HAL: variants seen among roughly 807,000 people sequenced by gnomAD.
The protein encoded by HAL is histidase.
A neutral mutation model predicts 81.1 loss-of-function variants in HAL; 85 were observed. That is an observed-to-expected ratio of 1.05 (90% confidence interval 0.88 to 1.25). HAL has a LOEUF of 1.25. HAL is among the 50% of genes most tolerant of loss of function. The pLI is 0.00. For missense variants in HAL, 798 were observed against 836.6 expected (o/e 0.95, Z 0.57); for synonymous variants, 301 against 309.2 (o/e 0.97, Z 0.28).
At chr12:95,995,084 G>C in intron 2 of HAL, 91 bp from the exon 3 acceptor site, 2 of 935,874 alleles carry the variant, frequency 2.1e-6, no homozygotes, top group Non-Finnish European at 3.5e-6. Context: ...ATTGGCCCAT[G>C]AATTCTATAG....
intron 10 of HAL, among the ~76,000 whole-genome samples, chr12:95,988,679 T>C (rs1949927854): frequency 1.3e-5 from 2 of 152,110 alleles, no homozygotes; most frequent in African/African-American, 4.8e-5. Context: ...CTAACCTCAT[T>C]AGTGCTTCAT....
Position 95,985,749 on chromosome 12 carries a change from T to C in HAL, c.1206+159A>G, listed in dbSNP as rs141888341. ...CAATTGCACACATAAAGGTAAAATA[T>C]ACATAACTTTTCATAGAGACAGTAA... is the stretch of plus-strand genomic sequence containing the variant. On this transcript the variant is annotated intron_variant, in intron 14 of 20. Coordinates refer to ENST00000261208, the MANE Select transcript of HAL (RefSeq NM_002108.4). Among the ~76,000 whole-genome samples, 376 of 151,112 alleles carry C rather than the reference T, an allele frequency of 2.5e-3. 3 individuals carry two copies. The highest frequency in any genetic ancestry group is 8.9e-3 in the African/African-American group (365 of 41,122).
At chr12:95,987,320 TA>T (rs1437055839) in intron 11 of HAL, 106 bp from the exon 12 acceptor site, 30 of 913,110 alleles carry the variant, frequency 3.3e-5, no homozygotes, top group African/African-American at 4.9e-5. Context: ...TAGCCAGTCA[TA>T]AACATAAAAA....
chr12:95,982,921 A>C (rs1001448133), intron 15 of HAL, among the ~76,000 whole-genome samples: 2 of 152,234 alleles, frequency 1.3e-5, no homozygotes, highest in African/African-American at 4.8e-5. Flanking sequence ...GATCACCTCA[A>C]CATCTGGGGA....
In HAL at chr12:95,986,155, G is replaced by T; in HGVS notation, c.1057C>A (p.His353Asn). ...TGCCCACGGTGAGGTCGAAGAGCATGAATGTCTAGAATTGATGAAGGAGAA... is the reference window on the plus strand; with the variant it reads ...TGCCCACGGTGAGGTCGAAGAGCATTAATGTCTAGAATTGATGAAGGAGAA... Reference protein sequence around the residue: ...GTTKAFDTDIHALRPHRGQIE... With the variant: ...GTTKAFDTDINALRPHRGQIE... Residue 353 changes from histidine to asparagine, a missense_variant, in exon 13 of 21, where the codon CAT (histidine) becomes AAT (asparagine). By Grantham distance (68) the His-to-Asn change is moderately conservative (BLOSUM62 1). Coordinates refer to ENST00000261208, the MANE Select transcript of HAL (RefSeq NM_002108.4). The T allele has an allele frequency of 6.4e-7, 1 of 1,565,400 alleles. No homozygotes were observed. Among genetic ancestry groups the T allele is most frequent in the Non-Finnish European group, 8.8e-7 (1 of 1,135,488 alleles).
chr12:95,980,849 A>G lies in HAL; in HGVS notation c.1302T>C (p.Asn434=). ...SATDNPMVFA[N]RGETVSGGNF... is the part of the protein sequence containing the mutation. Reference sequence around the variant, plus strand: ...TTCCTCCAGAAACTGTCTCTCCCCTATTGGCAAAGACCATCTTTCAAAAGA... The same window carrying G: ...TTCCTCCAGAAACTGTCTCTCCCCTGTTGGCAAAGACCATCTTTCAAAAGA... The change falls in exon 16 of 21, where the codon AAT becomes AAC. Residue 434 remains asparagine, a synonymous_variant. Transcript: ENST00000261208. 3 of 1,572,724 alleles carry G rather than the reference A, an allele frequency of 1.9e-6. No individual in the cohort carries two copies. The highest frequency in any genetic ancestry group is 2.2e-5 in the East Asian group (1 of 44,600).
In HAL at chr12:95,983,971, A is replaced by G. The variant is rs777807154; in HGVS notation, c.1227T>C (p.Asp409=). 6.4e-7 allele frequency: 1 copy of G among 1,572,796 alleles called. No homozygotes were observed. The highest frequency in any genetic ancestry group is 8.7e-7 in the Non-Finnish European group (1 of 1,143,034). Residue 409 remains aspartate, a synonymous_variant, in exon 15 of 21, where the codon GAT becomes GAC. Transcript: ENST00000261208. ...CCPQVHGVVN[D]TIAFVKNIIT... ...TGATGTTCTTCACAAATGCTATTGT[A>G]TCATTCACCACACCATGGACCTAAA...
Position 95,976,433 on chromosome 12 carries a change from T to G in HAL, c.1829A>C (p.Gln610Pro), listed in dbSNP as rs1248734701. 6.2e-7 allele frequency: 1 copy of G among 1,612,956 alleles called. No homozygotes were observed. The highest frequency in any genetic ancestry group is 1.3e-5 in the African/African-American group (1 of 74,930). ...CAAGCCAAGGAGCCAGCTTGCCTTC[T>G]GCTCCAGGAGCAGCCTGTGGGCTGC... ...IEAAHRLLLEQKVWEVAAPYI... is the reference protein window; with the variant it reads ...IEAAHRLLLEPKVWEVAAPYI... Residue 610 changes from glutamine to proline, a missense_variant, in exon 20 of 21, where the codon CAG becomes CCG. Gln to Pro is a moderately conservative substitution (Grantham distance 76, BLOSUM62 -1). Coordinates refer to ENST00000261208, the MANE Select transcript of HAL (RefSeq NM_002108.4).
chr12:95,980,384 T>C (rs1187824167), intron 17 of HAL, among the ~76,000 whole-genome samples, 172 bp downstream of exon 17: 1 of 152,230 alleles, frequency 6.6e-6, no homozygotes, highest in African/African-American at 2.4e-5. Context: ...ACTATTTTTT[T>C]CTGAAAAATA....
chr12:95,991,859 T>C (rs1430548277), intron 9 of HAL, among the ~76,000 whole-genome samples: 1 of 152,230 alleles, frequency 6.6e-6, no homozygotes, highest in Non-Finnish European at 1.5e-5. Context: ...AGCACAGCCC[T>C]GTATATACAA....
In HAL at chr12:95,976,485, C is replaced by G. The variant is rs762791469; in HGVS notation, c.1777G>C (p.Asp593His). The change falls in exon 20 of 21, where the codon GAT becomes CAT. Residue 593 changes from aspartate (D) to histidine (H), a missense_variant. Asp to His is a moderately conservative substitution (Grantham distance 81). Coordinates refer to ENST00000261208, the MANE Select transcript of HAL (RefSeq NM_002108.4). ...TCGATGTCCGGGGCCATGAAGCGAT[C>G]TTTTATCCAGGGCCTACAGGGAGAG... ...VRSVVRPWIK[D>H]RFMAPDIEAA... The G allele has an allele frequency of 2.5e-6, 4 of 1,614,056 alleles. No homozygotes were observed. Among genetic ancestry groups the G allele is most frequent in the Non-Finnish European group, 3.4e-6 (4 of 1,180,004 alleles).
chr12:95,993,894 A>G (rs756131141), intron 6 of HAL, 32 bp downstream of exon 6: 1 of 1,497,532 alleles, frequency 6.7e-7, no homozygotes, highest in Non-Finnish European at 9.3e-7. Flanking sequence ...TTTGTTTATA[A>G]AAATATTTAT....
intron 20 of HAL, among the ~76,000 whole-genome samples, chr12:95,975,518 A>AC (rs1376404207): frequency 6.8e-6 from 1 of 147,094 alleles, no homozygotes; most frequent in African/African-American, 2.7e-5. Flanking sequence ...ATCTCTAAAA[A>AC]AATTTTTTTT....
Position 95,995,949 on chromosome 12 carries a change from A to T in HAL, c.-39T>A, listed in dbSNP as rs746703742. Reference sequence around the variant, plus strand: ...CCTGAGGTCCTCAGCTGGTCACAGGAGGGGAGAGCTTTATGCAGGAGTGGC... The same window carrying T: ...CCTGAGGTCCTCAGCTGGTCACAGGTGGGGAGAGCTTTATGCAGGAGTGGC... On this transcript the variant is annotated 5_prime_UTR_variant, in exon 2 of 21. Coordinates refer to ENST00000261208, the MANE Select transcript of HAL (RefSeq NM_002108.4). 3.1e-6 allele frequency: 5 copies of T among 1,598,362 alleles called. No individual in the cohort carries two copies. In the Admixed American group the frequency reaches 5.0e-5, roughly 16 times the overall value.
chr12:95,988,880 G>C (rs981376136), intron 10 of HAL, among the ~76,000 whole-genome samples: 3 of 152,124 alleles, frequency 2.0e-5, no homozygotes, highest in Admixed American at 6.6e-5. Flanking sequence ...AAGAAGGAAG[G>C]GGAAGTTAAG....
At chr12:95,976,556 G>A in intron 19 of HAL, 42 bp downstream of exon 19, 4 of 1,590,340 alleles carry the variant, frequency 2.5e-6, no homozygotes, top group Non-Finnish European at 3.5e-6. Flanking sequence ...AGGGTTCACA[G>A]TGCTGAACTG....
intron 15 of HAL, among the ~76,000 whole-genome samples, chr12:95,982,930 G>A (rs1487365370): frequency 6.6e-6 from 1 of 152,180 alleles, no homozygotes; most frequent in Non-Finnish European, 1.5e-5. Context: ...AACATCTGGG[G>A]AACTGAGCCA....
intron 11 of HAL, among the ~76,000 whole-genome samples, chr12:95,987,849 C>T (rs1436542018): frequency 1.4e-5 from 2 of 139,530 alleles, no homozygotes; most frequent in African/African-American, 5.4e-5. Flanking sequence ...GCTGGGATTA[C>T]AAGTGTGCGC....
At chr12:95,983,089 T>C (rs1338971032) in intron 15 of HAL, among the ~76,000 whole-genome samples, 2 of 152,066 alleles carry the variant, frequency 1.3e-5, no homozygotes, top group Non-Finnish European at 2.9e-5. Context: ...GCATGACAAA[T>C]AAAAACTCAT....
Sources: allele counts gnomAD v4.1 joint callset (sites outside exome capture counted in the v4.1 genomes callset), GRCh38; gene constraint gnomAD v4.1.1; transcripts MANE v1.5; gene names NCBI Gene and HGNC (gene_info 2026-07-23, HGNC 2026-07-21).